ARHGAP15: variants seen among roughly 807,000 people sequenced by gnomAD.
ARHGAP15 encodes rho GTPase-activating protein 15.
Under a neutral mutation model 63.7 loss-of-function variants are expected in ARHGAP15, and 51 were observed. The ratio of observed to expected loss-of-function variants is 0.80; its 90% CI spans 0.64 to 1.01. The LOEUF (loss-of-function observed/expected upper bound fraction) is 1.01, where lower values mean the gene tolerates loss of function less well. ARHGAP15 is among the 50% of genes least tolerant of loss of function. ARHGAP15 has a pLI of 0.00. For synonymous variants in ARHGAP15, 191 were observed against 193.8 expected (o/e 0.99, Z 0.12); for missense variants, 560 against 564.6 (o/e 0.99, Z 0.08).
At chr2:143,755,851 A>G (rs540681660) in intron 13 of ARHGAP15, among the ~76,000 whole-genome samples, 2 of 152,178 alleles carry the variant, frequency 1.3e-5, no homozygotes, top group South Asian at 2.1e-4. Context: ...CTGTAATCCT[A>G]GCTACTTGGG....
chr2:143,670,199 C>T (rs1323303125), intron 12 of ARHGAP15, among the ~76,000 whole-genome samples: 1 of 152,122 alleles, frequency 6.6e-6, no homozygotes, highest in Non-Finnish European at 1.5e-5. Flanking sequence ...ACTTCTGCTC[C>T]CAACCACATT....
In ARHGAP15 at chr2:143,202,116, A is replaced by T. The variant is rs781684394; in HGVS notation, c.166-18A>T. ...AAGAAAAATTATGTAATAATATCCA[A>T]TGTCAATATATTTGCAGATATCCAG... On this transcript the variant is annotated intron_variant, in intron 2 of 13. Coordinates refer to ENST00000295095, the MANE Select transcript of ARHGAP15 (RefSeq NM_018460.4). 1 of 1,593,736 alleles carries T rather than the reference A, an allele frequency of 6.3e-7. No individual in the cohort carries two copies. Among genetic ancestry groups the T allele is most frequent in the Non-Finnish European group, 8.6e-7 (1 of 1,162,420 alleles).
chr2:143,141,635 G>T (rs376257786), intron 1 of ARHGAP15, among the ~76,000 whole-genome samples: 5 of 152,278 alleles, frequency 3.3e-5, no homozygotes, highest in East Asian at 3.9e-4. Flanking sequence ...CTAAGATCAT[G>T]TTGAGAAAAT....
At chr2:143,603,681 T>TTGA (rs1378188502) in intron 11 of ARHGAP15, among the ~76,000 whole-genome samples, 1 of 152,188 alleles carries the variant, frequency 6.6e-6, no homozygotes, top group Non-Finnish European at 1.5e-5. Context: ...GAAGTTGAAG[T>TTGA]AGTCTTCTTA....
intron 8 of ARHGAP15, among the ~76,000 whole-genome samples, chr2:143,467,650 A>G (rs778363736): frequency 3.3e-5 from 5 of 152,156 alleles, no homozygotes; most frequent in Non-Finnish European, 5.9e-5. Context: ...AGATGACAAC[A>G]TAGATATAAT....
At chr2:143,403,754 A>G (rs1033871706) in intron 6 of ARHGAP15, among the ~76,000 whole-genome samples, 1 of 151,870 alleles carries the variant, frequency 6.6e-6, no homozygotes, top group Admixed American at 6.6e-5. Flanking sequence ...AATTTTAAAT[A>G]CAATTATTTA....
chr2:143,330,993 C>A (rs1431530291), intron 6 of ARHGAP15, among the ~76,000 whole-genome samples: 1 of 152,052 alleles, frequency 6.6e-6, no homozygotes, highest in African/African-American at 2.4e-5. Flanking sequence ...CCTCGTTGGG[C>A]CCTTCATTTA....
Position 143,455,806 on chromosome 2 carries a change from A to G in ARHGAP15, c.703+18764A>G, listed in dbSNP as rs184283973. Among the ~76,000 whole-genome samples, 55 of 152,186 alleles carry G rather than the reference A, an allele frequency of 3.6e-4. No homozygotes were observed. In the East Asian group the frequency reaches 9.3e-3, roughly 26 times the overall value. Reference sequence around the variant, plus strand: ...AGTAGCGCCATGACCACAGTCCACCAAAGTGTTTAAAAGGAAAAAAGTTTA... The same window carrying G: ...AGTAGCGCCATGACCACAGTCCACCGAAGTGTTTAAAAGGAAAAAAGTTTA... On this transcript the variant is annotated intron_variant, in intron 8 of 13. Coordinates refer to ENST00000295095, the MANE Select transcript of ARHGAP15 (RefSeq NM_018460.4).
Position 143,746,596 on chromosome 2 carries a change from T to A in ARHGAP15, c.1245-21393T>A, listed in dbSNP as rs564204743. 2.0e-5 allele frequency among the ~76,000 whole-genome samples: 3 copies of A among 152,332 alleles called. No homozygotes were observed. The South Asian group carries it at 6.2e-4, about 32-fold the overall frequency. The stretch of plus-strand genomic sequence containing the variant: ...ACAAAAACTATTTGTAATAAGAAGT[T>A]ACTGAATGCCCTAACTTTTTTACCA... On this transcript the variant is annotated intron_variant, in intron 13 of 13. Transcript: ENST00000295095.
chr2:143,315,587 T>A (rs939256723), intron 6 of ARHGAP15, among the ~76,000 whole-genome samples: 1 of 152,128 alleles, frequency 6.6e-6, no homozygotes, highest in Non-Finnish European at 1.5e-5. Flanking sequence ...CTGTGCAGGA[T>A]GGGAGAAAAT....
At chr2:143,401,003 T>G (rs547688984) in intron 6 of ARHGAP15, among the ~76,000 whole-genome samples, 32 of 152,176 alleles carry the variant, frequency 2.1e-4, no homozygotes, top group African/African-American at 7.5e-4. Flanking sequence ...GATTAGTTTC[T>G]TCTGAAATCA....
chr2:143,274,347 A>G (rs1681440398), intron 6 of ARHGAP15, among the ~76,000 whole-genome samples: 1 of 152,018 alleles, frequency 6.6e-6, no homozygotes, highest in South Asian at 2.1e-4. Context: ...ATTAATTTTC[A>G]TTGTTACATT....
intron 10 of ARHGAP15, among the ~76,000 whole-genome samples, chr2:143,532,713 A>G (rs976909989): frequency 6.6e-6 from 1 of 152,210 alleles, no homozygotes; most frequent in African/African-American, 2.4e-5. Context: ...GGTCAAAATA[A>G]TATAGTTTGA....
chr2:143,350,662 T>TAAA (rs34082157), intron 6 of ARHGAP15, among the ~76,000 whole-genome samples: 7 of 126,546 alleles, frequency 5.5e-5, no homozygotes, highest in African/African-American at 1.8e-4. Context: ...TATTAAAAAT[T>TAAA]AAAAAAAAAA....
intron 1 of ARHGAP15, among the ~76,000 whole-genome samples, chr2:143,140,399 A>G (rs188579889): frequency 6.6e-6 from 1 of 152,302 alleles, no homozygotes; most frequent in Non-Finnish European, 1.5e-5. Context: ...AAACAATTCA[A>G]AAACAGGTAG....
At chr2:143,234,817 A>G (rs1693578956) in intron 5 of ARHGAP15, among the ~76,000 whole-genome samples, 1 of 152,216 alleles carries the variant, frequency 6.6e-6, no homozygotes, top group Non-Finnish European at 1.5e-5. Context: ...GGAAAAATGC[A>G]GTTGTGTTAC....
chr2:143,619,019 G>A (rs1194461958), intron 11 of ARHGAP15, among the ~76,000 whole-genome samples: 1 of 151,482 alleles, frequency 6.6e-6, no homozygotes, highest in African/African-American at 2.4e-5. Flanking sequence ...TACCATGTTG[G>A]CCAGGCTGGT....
intron 1 of ARHGAP15, among the ~76,000 whole-genome samples, chr2:143,154,682 AT>A (rs1271249332): frequency 6.6e-6 from 1 of 151,896 alleles, no homozygotes; most frequent in African/African-American, 2.4e-5. Context: ...GAAGAGGATT[AT>A]GGATGAGGGG....
intron 6 of ARHGAP15, among the ~76,000 whole-genome samples, chr2:143,429,219 GGT>G (rs1491354539): frequency 8.0e-6 from 1 of 125,534 alleles, no homozygotes; most frequent in East Asian, 2.0e-4. Context: ...TGAACATGAG[GGT>G]TTTTTTTTTT....
Sources: allele counts gnomAD v4.1 joint callset (sites outside exome capture counted in the v4.1 genomes callset), GRCh38; gene constraint gnomAD v4.1.1; transcripts MANE v1.5; gene names NCBI Gene and HGNC (gene_info 2026-07-23, HGNC 2026-07-21).